GSTCD: variants seen among roughly 807,000 people sequenced by gnomAD.
GSTCD encodes the protein glutathione S-transferase C-terminal domain containing, also known as glutathione S-transferase C-terminal domain-containing protein.
GSTCD carries 44 observed loss-of-function variants against 68.3 expected under a neutral mutation model. That is an observed-to-expected ratio of 0.64 (90% CI 0.51 to 0.83). The LOEUF is 0.83. GSTCD is among the 40% of genes least tolerant of loss of function. GSTCD has a pLI of 0.00. For synonymous variants in GSTCD, 273 were observed against 255.2 expected (o/e 1.07, Z -0.67); for missense variants, 739 against 735.9 (o/e 1.00, Z -0.05).
At chr4:105,840,353 C>G (rs1161037089) in intron 10 of GSTCD, 3 of 253,970 alleles carry the variant, frequency 1.2e-5, no homozygotes, top group Non-Finnish European at 2.5e-5. Context: ...TAAAGTTATT[C>G]ATTGAAACCA....
At chr4:105,764,985 A>AT (rs1272428075) in intron 5 of GSTCD, among the ~76,000 whole-genome samples, 1 of 151,884 alleles carries the variant, frequency 6.6e-6, no homozygotes, top group East Asian at 1.9e-4. Flanking sequence ...GGCTTTCAAA[A>AT]TTTTTTTTAC....
chr4:105,777,097 G>A (rs1000670183), intron 5 of GSTCD, among the ~76,000 whole-genome samples: 5 of 152,214 alleles, frequency 3.3e-5, no homozygotes, highest in African/African-American at 1.2e-4. Flanking sequence ...TGCAATGGGA[G>A]TTTTGTGAGT....
intron 1 of GSTCD, 47 bp from the exon 2 acceptor site, chr4:105,717,546 T>C: frequency 8.7e-7 from 1 of 1,153,170 alleles, no homozygotes; most frequent in Non-Finnish European, 1.2e-6. Context: ...TTTTAGCTTC[T>C]AAATGATTAT....
rs71586114 is a variant in GSTCD, at chr4:105,846,668, C to CTTTTTT, written c.*1106_*1111dup. The CTTTTTT allele has an allele frequency of 1.7e-5, 2 of 117,966 alleles. No individual in the cohort carries two copies. Among genetic ancestry groups the CTTTTTT allele is most frequent in the Non-Finnish European group, 3.6e-5 (2 of 55,664 alleles). The allele number at this position is 117,966 out of a possible 1,614,324, so 7.3% of individuals were successfully genotyped here. A position where few individuals can be genotyped will look rare whatever the true frequency, so the allele number is the denominator to read the frequency against. Reference sequence around the variant, plus strand: ...GAAAAAGATTAAAGAATTAGTTAAGCTTTTTTTTTTTTTTTTTTTTGAGAC... The same window carrying CTTTTTT: ...GAAAAAGATTAAAGAATTAGTTAAGCTTTTTTTTTTTTTTTTTTTTTTTTTTGAGAC... On this transcript the variant is annotated 3_prime_UTR_variant, in exon 12 of 12. Transcript: ENST00000515279.
intron 5 of GSTCD, among the ~76,000 whole-genome samples, chr4:105,818,865 A>G (rs1395308371): frequency 3.3e-5 from 5 of 151,762 alleles, no homozygotes; most frequent in Non-Finnish European, 7.4e-5. Flanking sequence ...TTATTTTTTA[A>G]TTAAATCACT....
chr4:105,812,277 T>C (rs1032618429), intron 5 of GSTCD, among the ~76,000 whole-genome samples: 19 of 152,214 alleles, frequency 1.2e-4, no homozygotes, highest in Non-Finnish European at 8.8e-5. Flanking sequence ...AACATCAGGA[T>C]TGCTGTGATT....
In GSTCD at chr4:105,846,760, A is replaced by T. The variant is rs935842538; in HGVS notation, c.*1183A>T. On this transcript the variant is annotated 3_prime_UTR_variant, in exon 12 of 12. Transcript: ENST00000515279. ...GATCTTGGCTCACCACAACCTCTGC[A>T]TTCTCCTGCCTCAGCCTCCCGAGTA... 1.4e-5 allele frequency: 2 copies of T among 144,770 alleles called. No individual in the cohort carries two copies. The highest frequency in any genetic ancestry group is 5.2e-5 in the African/African-American group (2 of 38,662). 9.0% of individuals were successfully genotyped at this position (144,770 alleles called of 1,614,324 possible).
intron 5 of GSTCD, among the ~76,000 whole-genome samples, chr4:105,819,117 G>A (rs1406055779): frequency 1.3e-5 from 2 of 151,702 alleles, no homozygotes; most frequent in East Asian, 1.9e-4. Flanking sequence ...GACACAGAGA[G>A]GCAAACAACA....
At chr4:105,760,324 G>A (rs184934154) in intron 5 of GSTCD, among the ~76,000 whole-genome samples, 83 of 152,190 alleles carry the variant, frequency 5.5e-4, no homozygotes, top group African/African-American at 1.9e-3. Flanking sequence ...AAGCCTGTGG[G>A]AGCAGGTAAC....
chr4:105,768,379 A>G (rs1734706404), intron 5 of GSTCD, among the ~76,000 whole-genome samples: 2 of 152,122 alleles, frequency 1.3e-5, no homozygotes, highest in Non-Finnish European at 2.9e-5. Context: ...TATACATAGT[A>G]TGAATTACTG....
intron 5 of GSTCD, among the ~76,000 whole-genome samples, chr4:105,731,247 GT>G (rs1733229247): frequency 6.6e-6 from 1 of 152,162 alleles, no homozygotes; most frequent in Admixed American, 6.5e-5. Flanking sequence ...CTTTAAAGTA[GT>G]TTTTTCCAAT....
chr4:105,758,561 C>T (rs1305182032), intron 5 of GSTCD, among the ~76,000 whole-genome samples: 1 of 152,152 alleles, frequency 6.6e-6, no homozygotes, highest in African/African-American at 2.4e-5. Flanking sequence ...TGAGGCTTCC[C>T]CAGAGGCAGA....
intron 11 of GSTCD, 102 bp from the exon 12 acceptor site, chr4:105,845,339 A>G (rs11726124): frequency 0.06 from 75,356 of 1,250,050 alleles, 2,539 homozygotes; most frequent in Middle Eastern, 0.095. Context: ...AGCATGCTCC[A>G]TAGTACTTGC....
intron 5 of GSTCD, among the ~76,000 whole-genome samples, chr4:105,818,526 C>A (rs1043914536): frequency 1.2e-4 from 18 of 151,606 alleles, no homozygotes; most frequent in African/African-American, 4.4e-4. Context: ...TAATCAGAGC[C>A]CAGATCATTT....
chr4:105,722,181 C>T (rs1732877766), intron 3 of GSTCD, among the ~76,000 whole-genome samples: 1 of 152,102 alleles, frequency 6.6e-6, no homozygotes, highest in Non-Finnish European at 1.5e-5. Context: ...CACACATACA[C>T]ACACACACAC....
chr4:105,816,329 A>C (rs539289453), intron 5 of GSTCD, among the ~76,000 whole-genome samples: 2 of 152,240 alleles, frequency 1.3e-5, no homozygotes, highest in African/African-American at 4.8e-5. Flanking sequence ...ATTTTGCAAC[A>C]AATTGATTGC....
intron 5 of GSTCD, among the ~76,000 whole-genome samples, chr4:105,749,579 C>T (rs1423178729): frequency 6.6e-6 from 1 of 150,714 alleles, no homozygotes; most frequent in African/African-American, 2.4e-5. Context: ...TTTTCAGCAA[C>T]CATTGCTCTA....
Position 105,726,801 on chromosome 4 carries a change from G to T in GSTCD, c.1117G>T (p.Gly373Ter). Residue 373 changes from glycine to a stop codon, truncating the protein, a stop_gained, in exon 4 of 12, where the codon GGA (glycine) becomes TGA (stop). Transcript: ENST00000515279. LOFTEE classifies it high-confidence loss of function. ...EEQSDPLFIG[G>*]PRPTMAKLME... ...GCAAAGCGATCCTTTATTTATAGGA[G>T]GACCAAGACCAACCATGGCCAAGTT... 1.9e-6 allele frequency: 3 copies of T among 1,611,426 alleles called. No homozygotes were observed. The highest frequency in any genetic ancestry group is 2.5e-6 in the Non-Finnish European group (3 of 1,178,778).
At chr4:105,811,800 G>A (rs2553459) in intron 5 of GSTCD, among the ~76,000 whole-genome samples, 5,654 of 152,246 alleles carry the variant, frequency 0.037, 139 homozygotes, top group South Asian at 0.066. Context: ...ATGAAAAGGT[G>A]AGACTTTAGA....
Sources: gnomAD v4.1 joint callset for allele counts (sites outside exome capture counted in the v4.1 genomes callset) on GRCh38, gnomAD v4.1.1 for gene constraint, MANE v1.5 for transcripts, NCBI Gene and HGNC (gene_info 2026-07-23, HGNC 2026-07-21) for gene names.